Variants in DNAH5 observed in about 807,000 individuals in gnomAD.
DNAH5 encodes the protein dynein axonemal heavy chain 5.
In DNAH5, 372 loss-of-function variants were observed where a neutral mutation model predicts 518.2. The observed-to-expected ratio is 0.72, with a 90% CI of 0.66 to 0.78. DNAH5 has a LOEUF of 0.78. Ranked by LOEUF, DNAH5 falls within the 30% of genes least tolerant of loss-of-function variation. The pLI, the probability that DNAH5 is intolerant of heterozygous loss-of-function variation, is 0.00. For missense variants in DNAH5, 5,523 were observed against 5,687.0 expected (o/e 0.97, Z 0.93); for synonymous variants, 2,039 against 2,025.9 (o/e 1.01, Z -0.17).
intron 43 of DNAH5, among the ~76,000 whole-genome samples, chr5:13,812,542 G>A (rs1014871279): frequency 1.3e-5 from 2 of 152,174 alleles, no homozygotes; most frequent in South Asian, 4.1e-4. Flanking sequence ...CTTGCCTCAA[G>A]CAATCTGCCT....
At chr5:13,959,283 C>T (rs1332976816) in intron 1 of DNAH5, among the ~76,000 whole-genome samples, 12 of 152,166 alleles carry the variant, frequency 7.9e-5, no homozygotes, top group Admixed American at 4.6e-4. Flanking sequence ...GTTGAGTCCT[C>T]GCAGAACTCC....
intron 29 of DNAH5, among the ~76,000 whole-genome samples, chr5:13,862,276 AC>A (rs1328639730): frequency 6.6e-6 from 1 of 152,180 alleles, no homozygotes; most frequent in Non-Finnish European, 1.5e-5. Flanking sequence ...ATGAAATAAA[AC>A]CAGAGTTACA....
At position 13,861,351 on chromosome 5, in the gene DNAH5, A is replaced by G. The variant is rs811249; in HGVS notation, c.4796+1197T>C. On this transcript the variant is annotated intron_variant, in intron 29 of 78. Transcript: ENST00000265104. Reference sequence around the variant, plus strand: ...CCAATATTACTTTAGTGTAACAAGTAAACTGAAATAAGAGAAATTTTTTTG... The same window carrying G: ...CCAATATTACTTTAGTGTAACAAGTGAACTGAAATAAGAGAAATTTTTTTG... 9.2e-5 allele frequency among the ~76,000 whole-genome samples: 14 copies of G among 152,346 alleles called. No individual in the cohort carries two copies. In the East Asian group the frequency reaches 2.5e-3, roughly 27 times the overall value.
At chr5:13,922,715 A>G (rs908947940) in intron 4 of DNAH5, among the ~76,000 whole-genome samples, 17 of 139,770 alleles carry the variant, frequency 1.2e-4, no homozygotes, top group African/African-American at 4.6e-4. Flanking sequence ...GTGACAGAGC[A>G]AGACCCTGTC....
chr5:13,910,046 C>A (rs2151975700), intron 12 of DNAH5, among the ~76,000 whole-genome samples: 1 of 152,278 alleles, frequency 6.6e-6, no homozygotes, highest in East Asian at 1.9e-4. Context: ...CAGAATCTGC[C>A]ATTACTCATC....
At chr5:13,943,562 G>T (rs533232297) in intron 1 of DNAH5, among the ~76,000 whole-genome samples, 5 of 152,180 alleles carry the variant, frequency 3.3e-5, no homozygotes, top group Admixed American at 3.3e-4. Context: ...AAGTTCAGGG[G>T]CTTGGCTGCA....
intron 25 of DNAH5, among the ~76,000 whole-genome samples, chr5:13,866,685 A>G: frequency 6.6e-6 from 1 of 152,160 alleles, no homozygotes; most frequent in East Asian, 1.9e-4. Flanking sequence ...TAACATTCCA[A>G]TCAGATTTTC....
rs1262609203 is a variant in DNAH5, at chr5:13,841,761, G to C, written c.5415C>G (p.Arg1805=). The change falls in exon 33 of 79, where the codon CGC becomes CGG. Residue 1805 remains arginine (R), a synonymous_variant. Transcript: ENST00000265104. ...ESQSSLHLVI[R]QAAANIQETG... ...TTTCTTGAATATTTGCGGCTGCCTGGCGAATCACAAGATGCAATGAGGACT... is the reference window on the plus strand; with the variant it reads ...TTTCTTGAATATTTGCGGCTGCCTGCCGAATCACAAGATGCAATGAGGACT... The C allele has an allele frequency of 6.2e-7, 1 of 1,613,948 alleles. No individual in the cohort carries two copies. Among genetic ancestry groups the C allele is most frequent in the South Asian group, 1.1e-5 (1 of 91,072 alleles).
chr5:13,918,708 TCCA>T (rs1294742292), intron 7 of DNAH5, among the ~76,000 whole-genome samples: 1 of 152,174 alleles, frequency 6.6e-6, no homozygotes, highest in Non-Finnish European at 1.5e-5. Flanking sequence ...GACCTTGTGA[TCCA>T]CCTGCCTCGG....
chr5:13,893,522 G>A (rs796614367), intron 16 of DNAH5, among the ~76,000 whole-genome samples: 34 of 152,066 alleles, frequency 2.2e-4, no homozygotes, highest in African/African-American at 4.6e-4. Context: ...TTCATAAATC[G>A]TAACACCATT....
intron 73 of DNAH5, among the ~76,000 whole-genome samples, chr5:13,717,042 GC>G: frequency 6.6e-6 from 1 of 152,202 alleles, no homozygotes; most frequent in East Asian, 1.9e-4. Context: ...TGAAGAACAA[GC>G]TTCCCCACCC....
At position 13,884,982 on chromosome 5, in the gene DNAH5, T is replaced by G. The variant is rs756339622; in HGVS notation, c.2983+7A>C. ...CATCCACTAAGCAAACCACACAAGATTATTACCCCGGAAGTTAATTGTGTG... is the reference window on the plus strand; with the variant it reads ...CATCCACTAAGCAAACCACACAAGAGTATTACCCCGGAAGTTAATTGTGTG... On this transcript the variant is annotated splice_region_variant and intron_variant, in intron 19 of 78. Coordinates refer to ENST00000265104, the MANE Select transcript of DNAH5 (RefSeq NM_001369.3). 2 of 1,614,100 alleles carry G rather than the reference T, an allele frequency of 1.2e-6. No homozygotes were observed. Among genetic ancestry groups the G allele is most frequent in the Non-Finnish European group, 1.7e-6 (2 of 1,180,016 alleles).
In DNAH5 at chr5:13,691,941, T is replaced by A; in HGVS notation, c.*43A>T. 1 of 1,612,592 alleles carries A rather than the reference T, an allele frequency of 6.2e-7. No homozygotes were observed. The highest frequency in any genetic ancestry group is 8.5e-7 in the Non-Finnish European group (1 of 1,178,716). Reference sequence around the variant, plus strand: ...GAAATAAAGGTTACAATAATTTAGATCTTGCATTTTCCAAAGCATTGGGTG... The same window carrying A: ...GAAATAAAGGTTACAATAATTTAGAACTTGCATTTTCCAAAGCATTGGGTG... On this transcript the variant is annotated 3_prime_UTR_variant, in exon 79 of 79. Coordinates refer to ENST00000265104, the MANE Select transcript of DNAH5 (RefSeq NM_001369.3).
At chr5:13,867,484 C>T (rs1189147901) in intron 25 of DNAH5, among the ~76,000 whole-genome samples, 5 of 152,224 alleles carry the variant, frequency 3.3e-5, no homozygotes, top group East Asian at 1.9e-4. Flanking sequence ...TTGTAAGTTT[C>T]GTGAGGCCTC....
chr5:13,960,328 C>T (rs1444768585), intron 1 of DNAH5, among the ~76,000 whole-genome samples: 2 of 152,124 alleles, frequency 1.3e-5, no homozygotes, highest in Non-Finnish European at 2.9e-5. Context: ...GGGGTGAACA[C>T]TAGGCACTGA....
At chr5:13,913,679 T>C in intron 11 of DNAH5, 64 bp downstream of exon 11, 2 of 1,576,416 alleles carry the variant, frequency 1.3e-6, no homozygotes. Context: ...ACACTGTTAT[T>C]TGCATAAAAT....
intron 65 of DNAH5, among the ~76,000 whole-genome samples, chr5:13,745,663 G>A (rs1749230324): frequency 6.6e-6 from 1 of 152,008 alleles, no homozygotes; most frequent in African/African-American, 2.4e-5. Flanking sequence ...CCTTTCACAA[G>A]ACGAATCAAC....
At chr5:14,002,457 T>C (rs1784426987) in intron 1 of DNAH5, among the ~76,000 whole-genome samples, 1 of 152,166 alleles carries the variant, frequency 6.6e-6, no homozygotes, top group Non-Finnish European at 1.5e-5. Flanking sequence ...TGAGTTTACA[T>C]AATTCTAAAA....
In DNAH5 at chr5:13,776,549, A is replaced by C; in HGVS notation, c.9263T>G (p.Phe3088Cys). The stretch of plus-strand genomic sequence containing the variant: ...TCGAAATTTCTCCCCCACTGGCGAG[A>C]AGCAGAGCACAATATGAAGGTTCTG... ...VRQNLHIVLC[F>C]SPVGEKFRNR... is the part of the protein sequence containing the mutation. The change falls in exon 55 of 79, where the codon TTC (phenylalanine) becomes TGC (cysteine). Residue 3088 changes from phenylalanine (F) to cysteine (C), a missense_variant. Physicochemically the swap from Phe to Cys is radical, Grantham distance 205. Coordinates refer to ENST00000265104, the MANE Select transcript of DNAH5 (RefSeq NM_001369.3). 3.1e-6 allele frequency: 5 copies of C among 1,613,950 alleles called. No homozygotes were observed. The highest frequency in any genetic ancestry group is 4.2e-6 in the Non-Finnish European group (5 of 1,179,862).
Sources: gnomAD v4.1 joint callset for allele counts (sites outside exome capture counted in the v4.1 genomes callset) on GRCh38, gnomAD v4.1.1 for gene constraint, MANE v1.5 for transcripts, NCBI Gene and HGNC (gene_info 2026-07-23, HGNC 2026-07-21) for gene names.